DNAH6: variants seen among roughly 807,000 people sequenced by gnomAD.
DNAH6 encodes dynein axonemal heavy chain 6.
A neutral mutation model predicts 491.4 loss-of-function variants in DNAH6; 340 were observed. The observed-to-expected ratio is 0.69, with a 90% CI of 0.63 to 0.76. The LOEUF is 0.76. Among genes scored for constraint, DNAH6 ranks in the 30% least tolerant of loss-of-function variants. The pLI, the probability that DNAH6 is intolerant of heterozygous loss-of-function variation, is 0.00. For synonymous variants in DNAH6, 1,603 were observed against 1,686.1 expected (o/e 0.95, Z 1.21); for missense variants, 4,443 against 4,972.2 (o/e 0.89, Z 3.20).
chr2:84,524,161 A>T (rs1006275109), intron 2 of DNAH6, among the ~76,000 whole-genome samples: 1 of 150,178 alleles, frequency 6.7e-6, no homozygotes, highest in Non-Finnish European at 1.5e-5. Context: ...TAGGATAGTT[A>T]GGTCTTCTTG....
intron 41 of DNAH6, among the ~76,000 whole-genome samples, chr2:84,677,988 C>G (rs1401611660): frequency 6.6e-6 from 1 of 152,140 alleles, no homozygotes; most frequent in Admixed American, 6.5e-5. Flanking sequence ...CAGTGATGCC[C>G]AAGGATGTGG....
At chr2:84,642,127 T>C in intron 33 of DNAH6, 73 bp downstream of exon 33, 1 of 1,005,940 alleles carries the variant, frequency 9.9e-7, no homozygotes, top group South Asian at 1.5e-5. Context: ...TCTTCAATTA[T>C]TTCTTTCTCT....
chr2:84,635,919 A>T (rs143597598), intron 30 of DNAH6, among the ~76,000 whole-genome samples: 1 of 152,076 alleles, frequency 6.6e-6, no homozygotes, highest in Admixed American at 6.5e-5. Context: ...TGTTGATAGC[A>T]TCTTCATCTA....
In DNAH6 at chr2:84,760,758, T is replaced by G. The variant is rs560793660; in HGVS notation, c.10513-1997T>G. Among the ~76,000 whole-genome samples the G allele has an allele frequency of 2.0e-5, 3 of 152,272 alleles. No individual in the cohort carries two copies. The East Asian group carries it at 5.8e-4, about 29-fold the overall frequency. On this transcript the variant is annotated intron_variant, in intron 63 of 76. Transcript: ENST00000389394. ...ATGGAAAACAGTATTTAAAAAAATTTTTTTTGAGGCATGATCTCACTCTGT... is the reference window on the plus strand; with the variant it reads ...ATGGAAAACAGTATTTAAAAAAATTGTTTTTGAGGCATGATCTCACTCTGT...
the DNAH6 span, among the ~76,000 whole-genome samples, chr2:84,503,496 T>A: frequency 5.9e-5 from 9 of 152,146 alleles, no homozygotes; most frequent in Admixed American, 3.3e-4. Flanking sequence ...AGTTTGTAGC[T>A]TCAGGTGATC....
intron 18 of DNAH6, among the ~76,000 whole-genome samples, chr2:84,598,188 T>TTTTC (rs55731012): frequency 0.82 from 109,123 of 133,198 alleles, 46,707 homozygotes; most frequent in East Asian, 0.98. Context: ...TCTCTCTTTC[T>TTTTC]TTTCTTTCTT....
chr2:84,655,308 A>G lies in DNAH6; in HGVS notation c.5757+526A>G, dbSNP rs957255821. 3.9e-5 allele frequency among the ~76,000 whole-genome samples: 6 copies of G among 152,176 alleles called. No individual in the cohort carries two copies. The East Asian group carries it at 1.2e-3, about 29-fold the overall frequency. On this transcript the variant is annotated intron_variant, in intron 35 of 76. Transcript: ENST00000389394. ...GACACATTCTAACCTCAGAGGTACA[A>G]TTCCACCCAAAGTGAAGGAAAGCTT...
chr2:84,585,294 TC>T (rs1683427373), intron 15 of DNAH6, among the ~76,000 whole-genome samples: 1 of 152,186 alleles, frequency 6.6e-6, no homozygotes, highest in Non-Finnish European at 1.5e-5. Flanking sequence ...TAATTACTCA[TC>T]CTTTTGTTAT....
Position 84,677,036 on chromosome 2 carries a change from C to T in DNAH6, c.6644C>T (p.Pro2215Leu). ...ACAATCATATCGGCATGTGCACCTC[C>T]AGGCGGTGGCCGCAACCCTGTGACT... ...DVTIISACAP[P>L]GGGRNPVTPR... is the part of the protein sequence containing the mutation. The change falls in exon 41 of 77, where the codon CCA becomes CTA. Residue 2215 changes from proline to leucine, a missense_variant. Transcript: ENST00000389394. The T allele has an allele frequency of 6.4e-7, 1 of 1,551,780 alleles. No individual in the cohort carries two copies. The highest frequency in any genetic ancestry group is 8.7e-7 in the Non-Finnish European group (1 of 1,146,990).
At chr2:84,746,782 C>T (rs562337770) in intron 63 of DNAH6, among the ~76,000 whole-genome samples, 105 of 152,170 alleles carry the variant, frequency 6.9e-4, no homozygotes, top group African/African-American at 2.4e-3. Context: ...CACAGTTCTG[C>T]GGCTGTACAA....
intron 68 of DNAH6, among the ~76,000 whole-genome samples, chr2:84,789,115 T>C (rs529870334): frequency 3.4e-4 from 52 of 152,304 alleles, no homozygotes; most frequent in African/African-American, 1.2e-3. Context: ...AACAAATCAG[T>C]AGCAATTTAT....
At chr2:84,771,692 A>G (rs578138449) in intron 64 of DNAH6, among the ~76,000 whole-genome samples, 13 of 152,356 alleles carry the variant, frequency 8.5e-5, no homozygotes, top group African/African-American at 2.9e-4. Flanking sequence ...TGTGGGGGAA[A>G]GAGGGACTGT....
chr2:84,711,421 C>T (rs368515826), intron 56 of DNAH6, among the ~76,000 whole-genome samples: 4 of 152,160 alleles, frequency 2.6e-5, no homozygotes, highest in African/African-American at 7.2e-5. Flanking sequence ...AGTATCACTG[C>T]GTCATCAGAA....
Position 84,552,936 on chromosome 2 carries a change from A to G in DNAH6, c.1504A>G (p.Lys502Glu), listed in dbSNP as rs751215113. 2.7e-5 allele frequency: 43 copies of G among 1,610,388 alleles called. No homozygotes were observed. The highest frequency in any genetic ancestry group is 3.7e-5 in the Non-Finnish European group (43 of 1,177,890). The stretch of plus-strand genomic sequence containing the variant: ...ATTTCAGGGGACCCTTATGGTGGAA[A>G]AGCAAGAAGAAGATGAATCTCTCAT... ...PDKKGTLMVE[K>E]QEEDESLIPM... Residue 502 changes from lysine (K) to glutamate (E), a missense_variant, in exon 10 of 77, where the codon AAG becomes GAG. Transcript: ENST00000389394.
At chr2:84,502,909 T>C in the DNAH6 span, among the ~76,000 whole-genome samples, 4 of 152,188 alleles carry the variant, frequency 2.6e-5, no homozygotes, top group South Asian at 2.1e-4. Flanking sequence ...GTGTTTCTTA[T>C]AAGCAATGGA....
chr2:84,585,865 T>C (rs376675694), intron 15 of DNAH6, among the ~76,000 whole-genome samples: 53 of 152,098 alleles, frequency 3.5e-4, no homozygotes, highest in African/African-American at 1.2e-3. Context: ...CCATGGGGGA[T>C]AATGGGCAGG....
chr2:84,779,789 G>A (rs919820942), intron 64 of DNAH6, among the ~76,000 whole-genome samples: 10 of 152,102 alleles, frequency 6.6e-5, no homozygotes, highest in African/African-American at 2.4e-4. Flanking sequence ...TCATTTCCGT[G>A]TTTAGAGCTC....
At chr2:84,798,225 A>G (rs1344973904) in intron 70 of DNAH6, among the ~76,000 whole-genome samples, 1 of 152,168 alleles carries the variant, frequency 6.6e-6, no homozygotes, top group Non-Finnish European at 1.5e-5. Context: ...GCTCTTCAGC[A>G]TGCACTCGAA....
Position 84,544,231 on chromosome 2 carries a change from A to G in DNAH6, c.663-2A>G, listed in dbSNP as rs1167054469. On this transcript the variant is annotated splice_acceptor_variant, in intron 4 of 76. Coordinates refer to ENST00000389394, the MANE Select transcript of DNAH6 (RefSeq NM_001370.2). LOFTEE classifies it high-confidence loss of function. The stretch of plus-strand genomic sequence containing the variant: ...TTAGTCCCAATTTTTATTTGTTTAT[A>G]GAGTTGTAAGTTATGAGAACATCAA... The G allele has an allele frequency of 7.2e-7, 1 of 1,387,900 alleles. No individual in the cohort carries two copies. The highest frequency in any genetic ancestry group is 1.4e-5 in the African/African-American group (1 of 69,232). 86.0% of individuals were successfully genotyped at this position (1,387,900 alleles called of 1,614,324 possible). A position where few individuals can be genotyped will look rare whatever the true frequency, so the allele number is the denominator to read the frequency against.
Sources: gnomAD v4.1 joint callset for allele counts (sites outside exome capture counted in the v4.1 genomes callset) on GRCh38, gnomAD v4.1.1 for gene constraint, MANE v1.5 for transcripts, NCBI Gene and HGNC (gene_info 2026-07-23, HGNC 2026-07-21) for gene names.